GALNT5: variants seen among roughly 807,000 people sequenced by gnomAD.
GALNT5 encodes the protein UDP-GalNAc:polypeptide N-acetylgalactosaminyltransferase 5.
In GALNT5, 72 loss-of-function variants were observed where a neutral mutation model predicts 85.4. The ratio of observed to expected loss-of-function variants is 0.84; its 90% CI spans 0.70 to 1.03. The LOEUF (loss-of-function observed/expected upper bound fraction) is 1.03, where lower values mean the gene tolerates loss of function less well. Among genes scored for constraint, GALNT5 ranks in the 50% least tolerant of loss-of-function variants. The pLI is 0.00. For missense variants in GALNT5, 1,137 were observed against 1,135.5 expected (o/e 1.00, Z -0.02); for synonymous variants, 404 against 397.0 (o/e 1.02, Z -0.21).
chr2:157,279,440 T>C (rs931172343), intron 1 of GALNT5, among the ~76,000 whole-genome samples: 1 of 152,270 alleles, frequency 6.6e-6, no homozygotes, highest in African/African-American at 2.4e-5. Context: ...AGGTGGAGTC[T>C]ACAGAGGCAG....
chr2:157,263,283 A>G (rs1268897386), intron 1 of GALNT5, among the ~76,000 whole-genome samples: 2 of 152,122 alleles, frequency 1.3e-5, no homozygotes, highest in African/African-American at 4.8e-5. Context: ...AAGAAAAGCT[A>G]ATCTCTTTGC....
At chr2:157,295,829 C>T (rs756633740) in intron 4 of GALNT5, 31 bp downstream of exon 4, 14 of 1,539,032 alleles carry the variant, frequency 9.1e-6, no homozygotes, top group Non-Finnish European at 1.2e-5. Flanking sequence ...AAGATACTTT[C>T]AAGCACATCT....
intron 3 of GALNT5, among the ~76,000 whole-genome samples, chr2:157,290,401 G>A (rs1304216457): frequency 6.6e-6 from 1 of 151,994 alleles, no homozygotes; most frequent in Non-Finnish European, 1.5e-5. Flanking sequence ...TCCCCTGTGG[G>A]GAATTCAAGG....
Position 157,311,351 on chromosome 2 carries a change from T to A in GALNT5, c.*3T>A, listed in dbSNP as rs1373859500. 6.3e-7 allele frequency: 1 copy of A among 1,581,596 alleles called. No homozygotes were observed. Among genetic ancestry groups the A allele is most frequent in the East Asian group, 2.3e-5 (1 of 44,326 alleles). Reference sequence around the variant, plus strand: ...TTGAAAAATATTATGAAGCCTGAAGTGTAACTGATGTTTTTATATAGTAAA... The same window carrying A: ...TTGAAAAATATTATGAAGCCTGAAGAGTAACTGATGTTTTTATATAGTAAA... On this transcript the variant is annotated 3_prime_UTR_variant, in exon 10 of 10. Transcript: ENST00000259056.
At chr2:157,304,208 G>A (rs1683405789) in intron 7 of GALNT5, among the ~76,000 whole-genome samples, 1 of 152,132 alleles carries the variant, frequency 6.6e-6, no homozygotes, top group East Asian at 1.9e-4. Context: ...GTGGGACTGT[G>A]GGGGCATTGA....
chr2:157,302,429 A>T (rs1415929630), intron 7 of GALNT5: 1 of 152,220 alleles, frequency 6.6e-6, no homozygotes, highest in Non-Finnish European at 1.5e-5. Flanking sequence ...TAAAATTGCC[A>T]TTTTTATGGG....
rs538246976 is a variant in GALNT5, at chr2:157,263,268, A to G, written c.1454+3732A>G. ...GACATTTTCTCCAAGCTGGGCCCTT[A>G]GCATAAGAAAAGCTAATCTCTTTGC... On this transcript the variant is annotated intron_variant, in intron 1 of 9. Coordinates refer to ENST00000259056, the MANE Select transcript of GALNT5 (RefSeq NM_014568.3). 8.1e-4 allele frequency among the ~76,000 whole-genome samples: 124 copies of G among 152,308 alleles called. 4 individuals are homozygous for G. Among genetic ancestry groups the G allele is most frequent in the African/African-American group, 3.0e-3 (124 of 41,548 alleles).
At position 157,314,055 on chromosome 2, in the gene GALNT5, G is replaced by A. The variant is rs1165237678; in HGVS notation, c.*2707G>A. 6.6e-6 allele frequency: 1 copy of A among 151,978 alleles called. No individual in the cohort carries two copies. The highest frequency in any genetic ancestry group is 2.4e-5 in the African/African-American group (1 of 41,398). The allele number at this position is 151,978 out of a possible 1,614,324, so 9.4% of individuals were successfully genotyped here. A position where few individuals can be genotyped will look rare whatever the true frequency, so the allele number is the denominator to read the frequency against. ...CCTTCTAAATTTTTTCAGGAGATTA[G>A]AATAAAGGTATACATGCTACTCGGT... is the stretch of plus-strand genomic sequence containing the variant. On this transcript the variant is annotated 3_prime_UTR_variant, in exon 10 of 10. Coordinates refer to ENST00000259056, the MANE Select transcript of GALNT5 (RefSeq NM_014568.3).
At position 157,315,762 on chromosome 2, in the gene GALNT5, C is replaced by T. The variant is rs934766254; in HGVS notation, c.*4414C>T. Among the ~76,000 whole-genome samples the T allele has an allele frequency of 2.0e-5, 3 of 152,070 alleles. No homozygotes were observed. Among genetic ancestry groups the T allele is most frequent in the African/African-American group, 7.2e-5 (3 of 41,402 alleles). On this transcript the variant is annotated 3_prime_UTR_variant, in exon 10 of 10. Coordinates refer to ENST00000259056, the MANE Select transcript of GALNT5 (RefSeq NM_014568.3). ...CTCTGTGAATAATATTGAAAAAGCT[C>T]CATTTTCTGGGGAAATACCCATGGT... is the stretch of plus-strand genomic sequence containing the variant.
chr2:157,261,502 A>C (rs1313145022), intron 1 of GALNT5, among the ~76,000 whole-genome samples: 2 of 152,158 alleles, frequency 1.3e-5, no homozygotes, highest in East Asian at 1.9e-4. Context: ...TGAGTCAGAG[A>C]GCATGTGGCC....
intron 1 of GALNT5, among the ~76,000 whole-genome samples, chr2:157,270,886 C>T (rs569818973): frequency 1.3e-5 from 2 of 152,240 alleles, no homozygotes; most frequent in South Asian, 2.1e-4. Context: ...GAGGCTGAGG[C>T]GGGTGGATCA....
chr2:157,270,182 C>G (rs1682551629), intron 1 of GALNT5, among the ~76,000 whole-genome samples: 1 of 152,196 alleles, frequency 6.6e-6, no homozygotes, highest in Non-Finnish European at 1.5e-5. Context: ...CACCAGTCCC[C>G]TCAAACCTCA....
intron 1 of GALNT5, among the ~76,000 whole-genome samples, chr2:157,273,532 C>A (rs1237742482): frequency 6.7e-6 from 1 of 149,516 alleles, no homozygotes; most frequent in African/African-American, 2.5e-5. Context: ...AAAAAAACAG[C>A]ATGACTAACA....
intron 1 of GALNT5, among the ~76,000 whole-genome samples, chr2:157,278,158 C>T (rs575737688): frequency 6.6e-5 from 10 of 152,340 alleles, no homozygotes; most frequent in African/African-American, 9.6e-5. Flanking sequence ...CCCTCACTCT[C>T]GTCTGGCTTG....
At chr2:157,280,681 A>T (rs1033136856) in intron 1 of GALNT5, among the ~76,000 whole-genome samples, 2 of 152,102 alleles carry the variant, frequency 1.3e-5, no homozygotes, top group African/African-American at 2.4e-5. Context: ...TATGGTTTGG[A>T]TGTTTGTCCC....
Position 157,287,422 on chromosome 2 carries a change from T to A in GALNT5, c.1741+1288T>A, listed in dbSNP as rs183920346. On this transcript the variant is annotated intron_variant, in intron 3 of 9. Transcript: ENST00000259056. ...ACTCTTCCTCCCTTTCCCCTCAATCTCCCTCTCCCCTCCCTCTCATCCCCT... is the reference window on the plus strand; with the variant it reads ...ACTCTTCCTCCCTTTCCCCTCAATCACCCTCTCCCCTCCCTCTCATCCCCT... 3.4e-3 allele frequency among the ~76,000 whole-genome samples: 516 copies of A among 152,000 alleles called. 1 individual carries two copies. The highest frequency in any genetic ancestry group is 0.012 in the African/African-American group (478 of 41,448).
chr2:157,311,373 TA>T lies in GALNT5; in HGVS notation c.*28del. 1 of 1,459,520 alleles carries T rather than the reference TA, an allele frequency of 6.9e-7. No homozygotes were observed. Among genetic ancestry groups the T allele is most frequent in the Non-Finnish European group, 9.4e-7 (1 of 1,060,136 alleles). 90.4% of individuals were successfully genotyped at this position (1,459,520 alleles called of 1,614,324 possible). On this transcript the variant is annotated 3_prime_UTR_variant, in exon 10 of 10. Transcript: ENST00000259056. The stretch of plus-strand genomic sequence containing the variant: ...AAGTGTAACTGATGTTTTTATATAG[TA>T]AACCCATTAAATACTGTGAAAATAA...
intron 3 of GALNT5, among the ~76,000 whole-genome samples, chr2:157,292,724 T>G (rs79067467): frequency 5.3e-5 from 8 of 152,170 alleles, no homozygotes; most frequent in African/African-American, 1.9e-4. Context: ...TTTTTTTTTT[T>G]GAGACACAGT....
intron 1 of GALNT5, among the ~76,000 whole-genome samples, chr2:157,277,006 A>T (rs1682745901): frequency 6.6e-6 from 1 of 151,914 alleles, no homozygotes; most frequent in African/African-American, 2.4e-5. Flanking sequence ...TGTCCCAGAG[A>T]TTCTGGTATG....
Sources: allele counts gnomAD v4.1 joint callset (sites outside exome capture counted in the v4.1 genomes callset), GRCh38; gene constraint gnomAD v4.1.1; transcripts MANE v1.5; gene names NCBI Gene and HGNC (gene_info 2026-07-23, HGNC 2026-07-21).